The following MATR3 variants were observed in gnomAD, a reference collection of about 807,000 sequenced individuals.
MATR3 encodes matrin 3, also known as matrin-3.
In MATR3, 4 loss-of-function variants were observed where a neutral mutation model predicts 85.5. The ratio of observed to expected loss-of-function variants is 0.05; its 90% CI spans 0.02 to 0.11. The LOEUF is 0.11. MATR3 is among the 10% of genes least tolerant of loss of function. The probability of loss-of-function intolerance (pLI) is 1.00; values close to 1 mark genes in which losing one functional copy is unlikely to be tolerated. For synonymous variants in MATR3, 336 were observed against 343.1 expected, an observed-to-expected ratio of 0.98 and a Z score of 0.23; for missense variants, 685 against 1,016.1, an observed-to-expected ratio of 0.67 and a Z score of 4.43.
Position 139,319,860 on chromosome 5 carries a change from C to CTTT in MATR3, c.1602+385_1602+387dup, listed in dbSNP as rs58123057. ...CTCCCAACTCAAAAAAAAAAATTTG[C>CTTT]TTTTTTTTTTTTTTTTTTTTTTTTT... On this transcript the variant is annotated intron_variant, in intron 9 of 14. Coordinates refer to ENST00000394805, the MANE Select transcript of MATR3 (RefSeq NM_018834.6). Among the ~76,000 whole-genome samples, 160 of 44,158 alleles carry CTTT rather than the reference C, an allele frequency of 3.6e-3. 4 individuals carry two copies. Among genetic ancestry groups the CTTT allele is most frequent in the African/African-American group, 7.0e-3 (90 of 12,850 alleles). The allele number at this position is 44,158 out of a possible 152,430, so 29.0% of individuals were successfully genotyped here.
chr5:139,323,018 TA>T (rs1240929544), intron 12 of MATR3, 51 bp downstream of exon 12: 1 of 1,561,304 alleles, frequency 6.4e-7, no homozygotes, highest in African/African-American at 1.4e-5. Flanking sequence ...ATCAGATCAG[TA>T]TTTCAAGTTA....
intron 2 of MATR3, chr5:139,313,915 T>G (rs1335967151): frequency 7.5e-5 from 11 of 146,376 alleles, no homozygotes. Flanking sequence ...TTGTTTTTGT[T>G]TTTGTTTTGT....
intron 12 of MATR3, among the ~76,000 whole-genome samples, chr5:139,325,105 A>G (rs1284081430): frequency 6.6e-6 from 1 of 152,004 alleles, no homozygotes; most frequent in Non-Finnish European, 1.5e-5. Context: ...AGGCAGGAGA[A>G]TGGCGTGAAC....
intron 12 of MATR3, among the ~76,000 whole-genome samples, chr5:139,324,943 G>T (rs571977305): frequency 6.6e-6 from 1 of 152,250 alleles, no homozygotes; most frequent in East Asian, 1.9e-4. Context: ...TGTAATCCTA[G>T]CACTTTGGGA....
chr5:139,321,394 G>GC (rs1372045766), intron 9 of MATR3, among the ~76,000 whole-genome samples: 1 of 151,716 alleles, frequency 6.6e-6, no homozygotes, highest in Non-Finnish European at 1.5e-5. Flanking sequence ...CCTCAGGTGA[G>GC]CCACCCGCCT....
rs1477797955 is a variant in MATR3 at position 139,329,859 on chromosome 5, G to A, written c.*464G>A. On this transcript the variant is annotated 3_prime_UTR_variant, in exon 15 of 15. Coordinates refer to ENST00000394805, the MANE Select transcript of MATR3 (RefSeq NM_018834.6). The stretch of plus-strand genomic sequence containing the variant: ...TTCATTTGGAGTTTGAACCCGTTTT[G>A]GTTGCATTTCATTTTTGGAGAACTT... 2.2e-6 allele frequency: 1 copy of A among 454,486 alleles called. No individual in the cohort carries two copies. Among genetic ancestry groups the A allele is most frequent in the Admixed American group, 2.3e-5 (1 of 42,556 alleles). 28.2% of individuals were successfully genotyped at this position (454,486 alleles called of 1,614,324 possible). A position where few individuals can be genotyped will look rare whatever the true frequency, so the allele number is the denominator to read the frequency against.
At chr5:139,305,200 ACATT>A (rs1754646177) in intron 1 of MATR3, among the ~76,000 whole-genome samples, 1 of 152,062 alleles carries the variant, frequency 6.6e-6, no homozygotes, top group Non-Finnish European at 1.5e-5. Context: ...AGTTTTTCTG[ACATT>A]CATTTTCTGT....
intron 8 of MATR3, 102 bp from the exon 9 acceptor site, chr5:139,319,232 C>A: frequency 1.5e-6 from 2 of 1,351,732 alleles, no homozygotes; most frequent in East Asian, 2.3e-5. Context: ...AGCAAGACCT[C>A]GTCTCTATAA....
intron 5 of MATR3, 96 bp downstream of exon 5, chr5:139,316,284 C>T (rs1755238263): frequency 2.2e-6 from 2 of 928,090 alleles, no homozygotes; most frequent in Non-Finnish European, 3.4e-6. Context: ...TTGCTCTTAT[C>T]GCCCAGGCTG....
intron 1 of MATR3, among the ~76,000 whole-genome samples, chr5:139,298,967 A>AT (rs1754301450): frequency 6.6e-6 from 1 of 152,254 alleles, no homozygotes; most frequent in Non-Finnish European, 1.5e-5. Context: ...TTTAAAAGCA[A>AT]GTCAGAACAG....
chr5:139,318,452 T>TTTTTG (rs1219697182), intron 7 of MATR3, among the ~76,000 whole-genome samples: 3 of 151,362 alleles, frequency 2.0e-5, no homozygotes, highest in African/African-American at 7.3e-5. Context: ...TGTTCGTTTG[T>TTTTTG]TTTTGTTTTG....
chr5:139,296,444 CTGA>C (rs1162736013), intron 1 of MATR3, among the ~76,000 whole-genome samples: 3 of 152,134 alleles, frequency 2.0e-5, no homozygotes, highest in Admixed American at 6.5e-5. Flanking sequence ...TGTTTACTCC[CTGA>C]TGTTTTTCTG....
chr5:139,292,836 C>T (rs1051809200), upstream of MATR3, among the ~76,000 whole-genome samples: 1 of 151,748 alleles, frequency 6.6e-6, no homozygotes, highest in South Asian at 2.1e-4. Flanking sequence ...CCAGCTACTC[C>T]GGAGGCTGAG....
chr5:139,325,053 C>T lies in MATR3; in HGVS notation c.2149-387C>T, dbSNP rs189837395. Among the ~76,000 whole-genome samples, 928 of 151,994 alleles carry T rather than the reference C, an allele frequency of 6.1e-3. 13 individuals are homozygous for T. The highest frequency in any genetic ancestry group is 0.018 in the African/African-American group (744 of 41,458). On this transcript the variant is annotated intron_variant, in intron 12 of 14. Transcript: ENST00000394805. ...AAAATTACAAAAAAAATTAGCCGGG[C>T]GTGGTGGCGTGCGCCTGTAGTCCCA...
chr5:139,321,507 G>A (rs1241450491), intron 9 of MATR3, among the ~76,000 whole-genome samples: 1 of 152,140 alleles, frequency 6.6e-6, no homozygotes, highest in East Asian at 1.9e-4. Flanking sequence ...TTTTAGCCGG[G>A]TGTGGTTGCT....
At chr5:139,325,360 C>G in intron 12 of MATR3, 80 bp from the exon 13 acceptor site, 8 of 1,585,640 alleles carry the variant, frequency 5.0e-6, no homozygotes, top group Non-Finnish European at 6.9e-6. Flanking sequence ...GAGGAAGATT[C>G]GGAACTTCAG....
At chr5:139,288,629 TG>T (rs1194623959) in intron 3 of MATR3, among the ~76,000 whole-genome samples, 1 of 151,932 alleles carries the variant, frequency 6.6e-6, no homozygotes, top group Non-Finnish European at 1.5e-5. Context: ...AGCTACATGG[TG>T]GGTTTAAACA....
At chr5:139,329,320 T>A (rs1756012940) in intron 14 of MATR3, 25 bp from the exon 15 acceptor site, 1 of 1,560,646 alleles carries the variant, frequency 6.4e-7, no homozygotes. Flanking sequence ...GGTGACTTAA[T>A]GGCTGTAATT....
chr5:139,317,166 A>C (rs1423939089), intron 6 of MATR3, 61 bp downstream of exon 6: 5 of 1,486,914 alleles, frequency 3.4e-6, no homozygotes. Context: ...GATTTGACCT[A>C]AATCCTTACT....
Sources: allele counts gnomAD v4.1 joint callset (sites outside exome capture counted in the v4.1 genomes callset), GRCh38; gene constraint gnomAD v4.1.1; transcripts MANE v1.5; gene names NCBI Gene and HGNC (gene_info 2026-07-23, HGNC 2026-07-21).